Variants in FRYL observed in about 807,000 individuals in gnomAD.
FRYL encodes the protein protein furry homolog-like.
In FRYL, 150 loss-of-function variants were observed where a neutral mutation model predicts 351.2. The observed-to-expected ratio is 0.43, with a 90% CI of 0.37 to 0.49. The LOEUF (loss-of-function observed/expected upper bound fraction) is 0.49. FRYL is among the 20% of genes least tolerant of loss of function. The pLI, the probability that FRYL is intolerant of heterozygous loss-of-function variation, is 0.00. For synonymous variants in FRYL, 1,153 were observed against 1,257.1 expected, an observed-to-expected ratio of 0.92 and a Z score of 1.75; for missense variants, 3,036 against 3,619.3, an observed-to-expected ratio of 0.84 and a Z score of 4.13.
At chr4:48,680,824 T>C in intron 3 of FRYL, 1 of 341,204 alleles carries the variant, frequency 2.9e-6, no homozygotes, top group Non-Finnish European at 4.6e-6. Flanking sequence ...TATTTAAACT[T>C]GATTTTCAAA....
intron 3 of FRYL, among the ~76,000 whole-genome samples, chr4:48,649,613 C>T (rs1757232768): frequency 6.6e-6 from 1 of 152,168 alleles, no homozygotes; most frequent in Non-Finnish European, 1.5e-5. Context: ...AACATCCTCA[C>T]GACACAGCTG....
chr4:48,669,200 T>G (rs1237939442), intron 3 of FRYL, among the ~76,000 whole-genome samples: 1 of 152,200 alleles, frequency 6.6e-6, no homozygotes, highest in Admixed American at 6.5e-5. Flanking sequence ...CAATACTGCT[T>G]TCCTTTTGCT....
At chr4:48,634,191 AT>A (rs1418504108) in intron 4 of FRYL, 99 bp downstream of exon 4, 14 of 880,412 alleles carry the variant, frequency 1.6e-5, no homozygotes, top group African/African-American at 5.1e-5. Context: ...ATCCCTTAAT[AT>A]TTTTTTCAAG....
rs746696971 is a variant in FRYL, at chr4:48,603,362, G to A, written c.861C>T (p.Pro287=). 1.2e-6 allele frequency: 2 copies of A among 1,610,702 alleles called. No homozygotes were observed. Among genetic ancestry groups the A allele is most frequent in the Non-Finnish European group, 1.7e-6 (2 of 1,177,940 alleles). The change falls in exon 12 of 64, where the codon CCC becomes CCT. Residue 287 remains proline, a synonymous_variant. Coordinates refer to ENST00000358350, the MANE Select transcript of FRYL (RefSeq NM_015030.2). Reference sequence around the variant, plus strand: ...GCATCTCCACAAAATTTTTCAAACAGGGAACATTCACTTCATTTTTAACAG... The same window carrying A: ...GCATCTCCACAAAATTTTTCAAACAAGGAACATTCACTTCATTTTTAACAG... ...AAAVKNEVNV[P]CLKNFVEMLY... is the part of the protein sequence containing the mutation.
intron 48 of FRYL, 152 bp downstream of exon 48, chr4:48,535,505 C>G: frequency 2.5e-6 from 1 of 400,432 alleles, no homozygotes. Context: ...CAGTTAATAC[C>G]AGTGCTGCTT....
chr4:48,595,558 T>C (rs967112090), intron 15 of FRYL, 32 bp downstream of exon 15: 1 of 1,250,846 alleles, frequency 8.0e-7, no homozygotes, highest in Non-Finnish European at 1.1e-6. Flanking sequence ...TAACAATTTA[T>C]ATACATACAT....
At chr4:48,511,761 G>T (rs1330073283) in intron 57 of FRYL, among the ~76,000 whole-genome samples, 5 of 152,156 alleles carry the variant, frequency 3.3e-5, no homozygotes, top group Non-Finnish European at 7.3e-5. Flanking sequence ...CTGGAGGTTG[G>T]AGTGGTTGGG....
chr4:48,508,242 G>T (rs942716854), intron 59 of FRYL, among the ~76,000 whole-genome samples: 3 of 152,136 alleles, frequency 2.0e-5, no homozygotes, highest in African/African-American at 7.2e-5. Flanking sequence ...ATTATTAGTT[G>T]TTTGAATTTC....
chr4:48,582,662 A>C lies in FRYL; in HGVS notation c.1821T>G (p.Phe607Leu). The C allele has an allele frequency of 6.2e-7, 1 of 1,614,126 alleles. No individual in the cohort carries two copies. Among genetic ancestry groups the C allele is most frequent in the African/African-American group, 1.3e-5 (1 of 75,056 alleles). Residue 607 changes from phenylalanine to leucine, a missense_variant, in exon 20 of 64, where the codon TTT becomes TTG. By Grantham distance (22) the Phe-to-Leu change is conservative (BLOSUM62 0). Around this residue, in one of 7 missense-constraint regions of FRYL, gnomAD observed 492 missense variants for 551.5 expected, o/e 0.89. Transcript: ENST00000358350. ...AAAGAACATCCTCCCGCCAATCTGG[A>C]AAATCAAGCATTAGTGCCTGCAGAG... ...FNTLQALMLD[F>L]PDWREDVLSG...
intron 3 of FRYL, among the ~76,000 whole-genome samples, chr4:48,668,677 G>A (rs1034488206): frequency 2.0e-5 from 3 of 152,148 alleles, no homozygotes; most frequent in Non-Finnish European, 4.4e-5. Flanking sequence ...CCCACTATCT[G>A]GTAAAAAGAA....
At position 48,499,524 on chromosome 4, in the gene FRYL, C is replaced by T; in HGVS notation, c.8940G>A (p.Met2980Ile). 1 of 1,614,062 alleles carries T rather than the reference C, an allele frequency of 6.2e-7. No homozygotes were observed. The highest frequency in any genetic ancestry group is 8.5e-7 in the Non-Finnish European group (1 of 1,179,960). ...LDMSEANYKLMELNLEIRESL... is the reference protein window; with the variant it reads ...LDMSEANYKLIELNLEIRESL... Reference sequence around the variant, plus strand: ...ACTCTCTTATTTCCAGATTAAGTTCCATCAGTTTGTAGTTGGCTTCTGACA... The same window carrying T: ...ACTCTCTTATTTCCAGATTAAGTTCTATCAGTTTGTAGTTGGCTTCTGACA... Residue 2980 changes from methionine (M) to isoleucine (I), a missense_variant, in exon 64 of 64, where the codon ATG becomes ATA. This residue lies in a region of FRYL where 1,987 missense variants were observed against 2,311.7 expected (regional missense o/e 0.86). Transcript: ENST00000358350.
intron 3 of FRYL, among the ~76,000 whole-genome samples, chr4:48,656,601 T>C (rs1409783570): frequency 4.5e-5 from 6 of 133,716 alleles, no homozygotes; most frequent in Non-Finnish European, 6.2e-5. Flanking sequence ...TAGTAATGTA[T>C]ACATATATGC....
chr4:48,617,787 G>C (rs1749844866), intron 7 of FRYL: 1 of 152,200 alleles, frequency 6.6e-6, no homozygotes, highest in Non-Finnish European at 1.5e-5. Flanking sequence ...TGAGGAGCGA[G>C]ACTGACATCT....
At chr4:48,734,875 A>G (rs1387237096) in intron 1 of FRYL, among the ~76,000 whole-genome samples, 1 of 152,196 alleles carries the variant, frequency 6.6e-6, no homozygotes, top group Admixed American at 6.5e-5. Flanking sequence ...CTCTAGAAGA[A>G]AACCTAGGCA....
At chr4:48,603,623 C>T (rs1015807734) in intron 11 of FRYL, among the ~76,000 whole-genome samples, 1 of 152,172 alleles carries the variant, frequency 6.6e-6, no homozygotes, top group Non-Finnish European at 1.5e-5. Context: ...AACAGGTCCA[C>T]TGAGAGCAAA....
intron 3 of FRYL, chr4:48,638,202 T>C (rs1200003933): frequency 3.3e-5 from 5 of 152,082 alleles, no homozygotes; most frequent in African/African-American, 4.8e-5. Context: ...TGTACACAAA[T>C]ATTATATGCA....
At chr4:48,726,382 A>G (rs1309728681) in intron 1 of FRYL, among the ~76,000 whole-genome samples, 1 of 152,222 alleles carries the variant, frequency 6.6e-6, no homozygotes, top group Non-Finnish European at 1.5e-5. Context: ...GAAGTGACCT[A>G]TAAATTTCCA....
chr4:48,705,200 A>C (rs1002024112), intron 2 of FRYL, among the ~76,000 whole-genome samples: 6 of 152,188 alleles, frequency 3.9e-5, no homozygotes, highest in African/African-American at 9.6e-5. Flanking sequence ...AACACAGTGG[A>C]AAGATATAAA....
intron 3 of FRYL, among the ~76,000 whole-genome samples, chr4:48,644,423 AAT>A (rs1460135697): frequency 6.6e-6 from 1 of 151,844 alleles, no homozygotes; most frequent in Non-Finnish European, 1.5e-5. Flanking sequence ...ATCAGAACAT[AAT>A]ATGATTATAT....
Sources: allele counts gnomAD v4.1 joint callset (sites outside exome capture counted in the v4.1 genomes callset), GRCh38; gene constraint gnomAD v4.1.1; regional missense constraint gnomAD v4.1.1; transcripts MANE v1.5; gene names NCBI Gene and HGNC (gene_info 2026-07-23, HGNC 2026-07-21).